Variants in MYH6 observed in about 807,000 individuals in gnomAD.
The protein encoded by MYH6 is myosin heavy chain 6.
In MYH6, 126 loss-of-function variants were observed where a neutral mutation model predicts 223.2. The observed-to-expected ratio is 0.56, with a 90% CI of 0.49 to 0.65. The LOEUF is 0.65. Among genes scored for constraint, MYH6 ranks in the 30% least tolerant of loss-of-function variants. The probability of loss-of-function intolerance (pLI) is 0.00; values close to 1 mark genes in which losing one functional copy is unlikely to be tolerated. For synonymous variants in MYH6, 978 were observed against 1,010.2 expected (o/e 0.97, Z 0.61); for missense variants, 2,040 against 2,536.4 (o/e 0.80, Z 4.20).
In MYH6 at chr14:23,392,665, G is replaced by C; in HGVS notation, c.3252-13C>G. The C allele has an allele frequency of 7.8e-7, 1 of 1,286,582 alleles. No homozygotes were observed. The allele number at this position is 1,286,582 out of a possible 1,614,324, so 79.7% of individuals were successfully genotyped here. On this transcript the variant is annotated splice_polypyrimidine_tract_variant and intron_variant, in intron 24 of 38. Coordinates refer to ENST00000405093, the MANE Select transcript of MYH6 (RefSeq NM_002471.4). Reference sequence around the variant, plus strand: ...GTCAAACTCCTTCCTGCAGGAGAAGGGTGGGGGTGGGGGAGTGACAGGTAG... The same window carrying C: ...GTCAAACTCCTTCCTGCAGGAGAAGCGTGGGGGTGGGGGAGTGACAGGTAG...
chr14:23,404,520 T>C, intron 7 of MYH6, 132 bp from the exon 8 acceptor site: 1 of 1,167,760 alleles, frequency 8.6e-7, no homozygotes, highest in East Asian at 2.4e-5. Flanking sequence ...GGTCTGCGAC[T>C]CCACAGGATC....
chr14:23,397,515 T>A, intron 16 of MYH6, 28 bp downstream of exon 16: 1 of 1,611,010 alleles, frequency 6.2e-7, no homozygotes, highest in Non-Finnish European at 8.5e-7. Context: ...TTCCACCAGG[T>A]GTCCTGGCAC....
At chr14:23,388,743 C>T in intron 29 of MYH6, 116 bp downstream of exon 29, 1 of 1,472,584 alleles carries the variant, frequency 6.8e-7, no homozygotes, top group Non-Finnish European at 9.5e-7. Flanking sequence ...CTGTTGCCCT[C>T]CGAGTTCCTC....
rs1056785469 is a variant in MYH6, at chr14:23,381,988, T to C, written c.*52A>G. The C allele has an allele frequency of 1.9e-6, 3 of 1,613,934 alleles. No individual in the cohort carries two copies. Among genetic ancestry groups the C allele is most frequent in the Non-Finnish European group, 2.5e-6 (3 of 1,179,904 alleles). On this transcript the variant is annotated 3_prime_UTR_variant, in exon 39 of 39. Transcript: ENST00000405093. ...AAGGACAGATGGGCTCAGGCAGAGT[T>C]TGGCACTCATATTTATTACAGGTTG...
intron 14 of MYH6, chr14:23,400,039 G>A: frequency 1.5e-6 from 1 of 686,284 alleles, no homozygotes; most frequent in Non-Finnish European, 2.5e-6. Flanking sequence ...GACACTGAGG[G>A]GACCACCACA....
At chr14:23,391,990 C>T (rs575673682) in intron 25 of MYH6, among the ~76,000 whole-genome samples, 11 of 152,258 alleles carry the variant, frequency 7.2e-5, no homozygotes, top group Admixed American at 3.3e-4. Flanking sequence ...GTTTCAAATA[C>T]ATTATCCCCT....
rs1423375708 is a variant in MYH6, at chr14:23,407,421, A to G, written c.-14+155T>C. On this transcript the variant is annotated intron_variant, in intron 2 of 38. Coordinates refer to ENST00000405093, the MANE Select transcript of MYH6 (RefSeq NM_002471.4). This position sits in a 1 kb window ranked among gnomAD's most constrained non-coding sequence, Gnocchi z 5.6. The stretch of plus-strand genomic sequence containing the variant: ...CTGCCCTCTGAGGTGATGCTGAAGG[A>G]CAATCTCTGTAAGGGGTTTCCCTGG... Among the ~76,000 whole-genome samples, 2 of 152,192 alleles carry G rather than the reference A, an allele frequency of 1.3e-5. No homozygotes were observed. Among genetic ancestry groups the G allele is most frequent in the Non-Finnish European group, 2.9e-5 (2 of 68,032 alleles).
At chr14:23,393,576 A>G in intron 22 of MYH6, 58 bp from the exon 23 acceptor site, 3 of 1,614,018 alleles carry the variant, frequency 1.9e-6, no homozygotes, top group Non-Finnish European at 2.5e-6. Flanking sequence ...GGAGACATCT[A>G]TGGGGACCTC....
In MYH6 at chr14:23,392,996, T is replaced by C; in HGVS notation, c.3167A>G (p.Lys1056Arg). 6.2e-7 allele frequency: 1 copy of C among 1,614,230 alleles called. No individual in the cohort carries two copies. Among genetic ancestry groups the C allele is most frequent in the Non-Finnish European group, 8.5e-7 (1 of 1,180,046 alleles). ...VRMDLERAKR[K>R]LEGDLKLTQE... ...GGTCAGCTTCAGGTCGCCCTCCAGT[T>C]TCCGCTTTGCTCGCTCCAGGTCCAT... Residue 1056 changes from lysine to arginine, a missense_variant, in exon 24 of 39, where the codon AAA becomes AGA. Lys to Arg is a conservative substitution (Grantham distance 26). This residue lies in a region of MYH6 where 1,203 missense variants were observed against 1,400.2 expected (regional missense o/e 0.86). Coordinates refer to ENST00000405093, the MANE Select transcript of MYH6 (RefSeq NM_002471.4).
chr14:23,384,390 G>A, intron 36 of MYH6, 52 bp downstream of exon 36: 1 of 1,602,848 alleles, frequency 6.2e-7, no homozygotes, highest in South Asian at 1.1e-5. Flanking sequence ...GGGGCAGTGG[G>A]GCCAGAGAAG....
rs756460739 is a variant in MYH6 at position 23,404,851 on chromosome 14, C to T, written c.531-29G>A. 34 of 1,599,974 alleles carry T rather than the reference C, an allele frequency of 2.1e-5. No individual in the cohort carries two copies. The South Asian group carries it at 3.4e-4, about 16-fold the overall frequency. ...GGGGCCACAGAGACCAATCAAAACT[C>T]AGGATTCCTACTGTTCTCCATACAG... On this transcript the variant is annotated intron_variant, in intron 6 of 38. Coordinates refer to ENST00000405093, the MANE Select transcript of MYH6 (RefSeq NM_002471.4).
rs751216089 is a variant in MYH6 at position 23,400,238 on chromosome 14, G to A, written c.1581+18C>T. 18 of 1,614,108 alleles carry A rather than the reference G, an allele frequency of 1.1e-5. No homozygotes were observed. In the Admixed American group the frequency reaches 2.8e-4, roughly 25 times the overall value. On this transcript the variant is annotated intron_variant, in intron 14 of 38. Coordinates refer to ENST00000405093, the MANE Select transcript of MYH6 (RefSeq NM_002471.4). Reference sequence around the variant, plus strand: ...GATGGCAGAGGAGGGGGCATAGGTGGTGAGGCCAAGGAGGCACCTTCTCGA... The same window carrying A: ...GATGGCAGAGGAGGGGGCATAGGTGATGAGGCCAAGGAGGCACCTTCTCGA...
At chr14:23,385,859 C>T in intron 34 of MYH6, 69 bp downstream of exon 34, 1 of 1,610,098 alleles carries the variant, frequency 6.2e-7, no homozygotes, top group South Asian at 1.1e-5. Flanking sequence ...CTTAGAACAT[C>T]TGGCTTTTCT....
In MYH6 at chr14:23,389,070, G is replaced by A. The variant is rs529249069; in HGVS notation, c.3979-15C>T. The stretch of plus-strand genomic sequence containing the variant: ...GCGTTCTTCGCCTGGGGAGGGGGGG[G>A]GGCACCAGGAGGTGGGAGGGACTCC... On this transcript the variant is annotated splice_polypyrimidine_tract_variant and intron_variant, in intron 28 of 38. Coordinates refer to ENST00000405093, the MANE Select transcript of MYH6 (RefSeq NM_002471.4). The A allele has an allele frequency of 6.1e-6, 9 of 1,464,360 alleles. No homozygotes were observed. The East Asian group carries it at 1.4e-4, about 22-fold the overall frequency. 90.7% of individuals were successfully genotyped at this position (1,464,360 alleles called of 1,614,324 possible).
intron 24 of MYH6, 59 bp downstream of exon 24, chr14:23,392,853 A>C: frequency 6.2e-7 from 1 of 1,607,014 alleles, no homozygotes; most frequent in East Asian, 2.2e-5. Context: ...AGCACCCTGC[A>C]CTCTATCTAC....
chr14:23,383,339 G>GGGGGGGGGGGGGGCCCCCCCCC lies in MYH6; in HGVS notation c.5566-20_5566-19insGGGGGGGGGCCCCCCCCCCCCC. Reference sequence around the variant, plus strand: ...CCTCTGTCTGGGGGTGGGAGGGTGGGAGAAGCTGGTTTGGAGGGGGAGCAA... The same window carrying GGGGGGGGGGGGGGCCCCCCCCC: ...CCTCTGTCTGGGGGTGGGAGGGTGGGGGGGGGGGGGGGGCCCCCCCCCAGAAGCTGGTTTGGAGGGGGAGCAA... On this transcript the variant is annotated intron_variant, in intron 36 of 38. Transcript: ENST00000405093. 1 of 108,178 alleles carries GGGGGGGGGGGGGGCCCCCCCCC rather than the reference G, an allele frequency of 9.2e-6. No individual in the cohort carries two copies. Among genetic ancestry groups the GGGGGGGGGGGGGGCCCCCCCCC allele is most frequent in the Non-Finnish European group, 1.8e-5 (1 of 54,370 alleles). 6.7% of individuals were successfully genotyped at this position (108,178 alleles called of 1,614,324 possible).
intron 3 of MYH6, 66 bp downstream of exon 3, chr14:23,406,957 G>T: frequency 6.5e-7 from 1 of 1,546,058 alleles, no homozygotes. Context: ...CCTGCAAGTG[G>T]CTCCACCTCT....
rs373125916 is a variant in MYH6, at chr14:23,396,651, T to C, written c.2292+43A>G. The C allele has an allele frequency of 5.2e-5, 84 of 1,613,894 alleles. No individual in the cohort carries two copies. In the African/African-American group the frequency reaches 6.8e-4, roughly 13 times the overall value. ...AAACTCCTCTCTGCTCCACTCAACA[T>C]GGCCACCTGCCCTGCAACCACCCAG... On this transcript the variant is annotated intron_variant, in intron 19 of 38. Coordinates refer to ENST00000405093, the MANE Select transcript of MYH6 (RefSeq NM_002471.4).
In MYH6 at chr14:23,405,204, C is replaced by T. The variant is rs770464312; in HGVS notation, c.502+19G>A. Reference sequence around the variant, plus strand: ...GGTGTCTGGGAGGAGGAGCAGAGACCAGGGGCCACCAGGCTCACCTGTCAG... The same window carrying T: ...GGTGTCTGGGAGGAGGAGCAGAGACTAGGGGCCACCAGGCTCACCTGTCAG... On this transcript the variant is annotated intron_variant, in intron 5 of 38. Transcript: ENST00000405093. The surrounding 1 kb of genome is among the most constrained non-coding windows in gnomAD (Gnocchi z 4.7). 6 of 1,613,952 alleles carry T rather than the reference C, an allele frequency of 3.7e-6. No homozygotes were observed.
Sources: gnomAD v4.1 joint callset for allele counts (sites outside exome capture counted in the v4.1 genomes callset) on GRCh38, gnomAD v4.1.1 for gene constraint, gnomAD v4.1.1 regional missense constraint, Gnocchi (gnomAD v3.1) non-coding constraint, MANE v1.5 for transcripts, NCBI Gene and HGNC (gene_info 2026-07-23, HGNC 2026-07-21) for gene names.